The following SH3RF2 variants were observed in gnomAD, a reference collection of about 807,000 sequenced individuals.
The protein encoded by SH3RF2 is SH3 domain containing ring finger 2.
Under a neutral mutation model 59.0 loss-of-function variants are expected in SH3RF2, and 43 were observed. That is an observed-to-expected ratio of 0.73 (90% confidence interval 0.57 to 0.94). SH3RF2 has a LOEUF of 0.94. SH3RF2 is among the 40% of genes least tolerant of loss of function. The pLI, the probability that SH3RF2 is intolerant of heterozygous loss-of-function variation, is 0.00. For synonymous variants in SH3RF2, 391 were observed against 391.5 expected (o/e 1.00, Z 0.01); for missense variants, 930 against 940.1 (o/e 0.99, Z 0.14).
intron 5 of SH3RF2, among the ~76,000 whole-genome samples, chr5:146,038,490 C>A (rs1395136362): frequency 1.3e-5 from 2 of 152,036 alleles, no homozygotes; most frequent in Non-Finnish European, 2.9e-5. Flanking sequence ...TTGCTGAATA[C>A]AAATCAATAT....
chr5:146,051,793 T>G (rs996675272), intron 7 of SH3RF2, among the ~76,000 whole-genome samples: 2 of 152,198 alleles, frequency 1.3e-5, no homozygotes, highest in African/African-American at 2.4e-5. Context: ...GCTCCAGCCT[T>G]GAGATGCTAT....
chr5:145,938,427 A>G, intron 2 of SH3RF2, 121 bp downstream of exon 2: 2 of 1,224,874 alleles, frequency 1.6e-6, no homozygotes, highest in Non-Finnish European at 1.1e-6. Context: ...TTTCCCAGTG[A>G]TAAGTTTCTG....
intron 3 of SH3RF2, among the ~76,000 whole-genome samples, chr5:146,001,465 C>T (rs1217656451): frequency 6.6e-6 from 1 of 152,170 alleles, no homozygotes; most frequent in African/African-American, 2.4e-5. Flanking sequence ...TTATTATTGC[C>T]GTGGAACCTC....
intron 2 of SH3RF2, among the ~76,000 whole-genome samples, chr5:145,974,915 T>C (rs916134188): frequency 5.3e-5 from 8 of 152,204 alleles, no homozygotes; most frequent in African/African-American, 1.9e-4. Flanking sequence ...GAATCGGTTT[T>C]CCCAAGAACC....
rs985963241 is a variant in SH3RF2, at chr5:146,044,268, A to G, written c.1060-3504A>G. On this transcript the variant is annotated intron_variant, in intron 5 of 9. Transcript: ENST00000359120. ...TGGGTTCAAGCGATTCTCCTGCCTC[A>G]GCCTCCTGAGTAGCTGGAATTACAG... Among the ~76,000 whole-genome samples, 5 of 151,734 alleles carry G rather than the reference A, an allele frequency of 3.3e-5. No homozygotes were observed. In the South Asian group the frequency reaches 1.0e-3, roughly 32 times the overall value.
Position 146,000,325 on chromosome 5 carries a change from A to G in SH3RF2, c.646A>G (p.Lys216Glu). The change falls in exon 3 of 10, where the codon AAG (lysine) becomes GAG (glutamate). Residue 216 changes from lysine (K) to glutamate (E), a missense_variant and splice_region_variant. Lys to Glu is a moderately conservative substitution (Grantham distance 56, BLOSUM62 1). Transcript: ENST00000359120. ...SENQDCLTFL[K>E]DDIITVISRV... ...GAACCAGGATTGCCTGACCTTCCTC[A>G]AGGTAGGATTCTGGGTGGCCACCAG... 1 of 1,612,424 alleles carries G rather than the reference A, an allele frequency of 6.2e-7. No individual in the cohort carries two copies. Among genetic ancestry groups the G allele is most frequent in the Non-Finnish European group, 8.5e-7 (1 of 1,179,446 alleles).
At chr5:146,067,934 T>A (rs1474042848), downstream of SH3RF2, among the ~76,000 whole-genome samples, 1 of 152,182 alleles carries the variant, frequency 6.6e-6, no homozygotes, top group African/African-American at 2.4e-5. Flanking sequence ...TTGCTAAATA[T>A]CTTAACTGTG....
chr5:146,081,615 A>G (rs942789302), exon 10 of SH3RF2: 1 of 152,164 alleles, frequency 6.6e-6, no homozygotes, highest in African/African-American at 2.4e-5. Context: ...TGCATGAAAC[A>G]CCATCTGCTC....
chr5:146,055,794 G>A (rs1762642805), intron 7 of SH3RF2, 187 bp from the exon 8 acceptor site: 2 of 632,700 alleles, frequency 3.2e-6, no homozygotes, highest in South Asian at 3.9e-5. Flanking sequence ...TTATCCGGGT[G>A]TAGGGAGGTG....
chr5:145,985,482 A>G (rs1759664355), intron 2 of SH3RF2, among the ~76,000 whole-genome samples: 1 of 152,156 alleles, frequency 6.6e-6, no homozygotes, highest in Non-Finnish European at 1.5e-5. Flanking sequence ...ACGACAGCCT[A>G]TCAGCTTGTG....
intron 2 of SH3RF2, among the ~76,000 whole-genome samples, chr5:145,960,070 T>G (rs1758572837): frequency 6.6e-6 from 1 of 152,232 alleles, no homozygotes; most frequent in Non-Finnish European, 1.5e-5. Context: ...TAATTTTGTT[T>G]TAGAGACAGG....
chr5:145,950,400 T>C (rs1467924346), intron 2 of SH3RF2, among the ~76,000 whole-genome samples: 1 of 152,238 alleles, frequency 6.6e-6, no homozygotes, highest in African/African-American at 2.4e-5. Flanking sequence ...ATGTTGTTGA[T>C]GAGCTTCTGG....
intron 2 of SH3RF2, among the ~76,000 whole-genome samples, chr5:145,945,034 T>C (rs1757958447): frequency 6.6e-6 from 1 of 152,212 alleles, no homozygotes; most frequent in Non-Finnish European, 1.5e-5. Flanking sequence ...CTAGTCAGTA[T>C]ACCTGTATAC....
chr5:146,062,331 G>A, intron 9 of SH3RF2, 95 bp from the exon 10 acceptor site: 1 of 1,454,248 alleles, frequency 6.9e-7, no homozygotes, highest in African/African-American at 1.4e-5. Context: ...TTTGCAGAAT[G>A]AACACATAAA....
chr5:146,018,752 T>A (rs774789036), intron 5 of SH3RF2, among the ~76,000 whole-genome samples: 1 of 152,158 alleles, frequency 6.6e-6, no homozygotes, highest in Non-Finnish European at 1.5e-5. Context: ...CCACCAGCAG[T>A]GTTTAAGCGC....
chr5:146,034,453 G>A (rs771056191), intron 5 of SH3RF2, among the ~76,000 whole-genome samples: 5 of 152,270 alleles, frequency 3.3e-5, no homozygotes, highest in South Asian at 2.1e-4. Context: ...TCTGATTTCC[G>A]CAGAACCACA....
At chr5:146,039,935 A>C (rs1762066710) in intron 5 of SH3RF2, among the ~76,000 whole-genome samples, 2 of 152,246 alleles carry the variant, frequency 1.3e-5, no homozygotes, top group Non-Finnish European at 2.9e-5. Context: ...TTAGCCACAA[A>C]TATATGCGAA....
intron 2 of SH3RF2, among the ~76,000 whole-genome samples, chr5:145,977,495 T>A (rs892526186): frequency 1.3e-5 from 2 of 152,208 alleles, no homozygotes; most frequent in South Asian, 4.1e-4. Context: ...GAATTCAGCC[T>A]CTGCTTACCA....
intron 2 of SH3RF2, among the ~76,000 whole-genome samples, chr5:145,940,255 A>C (rs1469453822): frequency 2.0e-5 from 3 of 152,262 alleles, no homozygotes; most frequent in Middle Eastern, 6.8e-3. Context: ...TCTGCAAGAG[A>C]GCAGAGCTGG....
Sources: allele counts gnomAD v4.1 joint callset (sites outside exome capture counted in the v4.1 genomes callset), GRCh38; gene constraint gnomAD v4.1.1; transcripts MANE v1.5; gene names NCBI Gene and HGNC (gene_info 2026-07-23, HGNC 2026-07-21).